The following PSD3 variants were observed in gnomAD, a reference collection of about 807,000 sequenced individuals.
The protein encoded by PSD3 is PH and SEC7 domain-containing protein 3.
Under a neutral mutation model 105.5 loss-of-function variants are expected in PSD3, and 49 were observed. That is an observed-to-expected ratio of 0.46 (90% confidence interval 0.37 to 0.59). The LOEUF is 0.59. PSD3 is among the 20% of genes least tolerant of loss of function. The pLI, the probability that PSD3 is intolerant of heterozygous loss-of-function variation, is 0.00. For synonymous variants in PSD3, 557 were observed against 457.8 expected (o/e 1.22, Z -2.77); for missense variants, 1,561 against 1,263.8 (o/e 1.24, Z -3.57).
chr8:18,813,472 C>G (rs1388420853), intron 4 of PSD3, among the ~76,000 whole-genome samples: 2 of 152,162 alleles, frequency 1.3e-5, no homozygotes, highest in African/African-American at 2.4e-5. Flanking sequence ...GAGGCTAGAG[C>G]ACTCAACATG....
At chr8:18,861,346 C>T (rs998325524) in intron 4 of PSD3, among the ~76,000 whole-genome samples, 1 of 152,144 alleles carries the variant, frequency 6.6e-6, no homozygotes, top group Non-Finnish European at 1.5e-5. Flanking sequence ...GTGTGAGCCC[C>T]TCCTCACAGT....
chr8:18,603,689 G>A (rs978677408), intron 11 of PSD3, among the ~76,000 whole-genome samples: 1 of 152,076 alleles, frequency 6.6e-6, no homozygotes, highest in Non-Finnish European at 1.5e-5. Flanking sequence ...GAGGTGATTG[G>A]GTCATGTGGG....
chr8:18,651,923 G>T (rs1808510337), intron 10 of PSD3, among the ~76,000 whole-genome samples: 1 of 152,170 alleles, frequency 6.6e-6, no homozygotes, highest in Non-Finnish European at 1.5e-5. Flanking sequence ...ACTTCACAGA[G>T]GTTAAAGTAC....
chr8:18,801,055 A>C (rs1586046461), intron 7 of PSD3: 1 of 375,388 alleles, frequency 2.7e-6, no homozygotes, highest in South Asian at 5.9e-5. Flanking sequence ...ACATGAGAAA[A>C]TGCTCACAAT....
chr8:18,806,079 A>G (rs1023525906), intron 4 of PSD3, among the ~76,000 whole-genome samples: 1 of 152,200 alleles, frequency 6.6e-6, no homozygotes. Flanking sequence ...CAAAATTAAA[A>G]AGACATGATC....
intron 4 of PSD3, among the ~76,000 whole-genome samples, chr8:18,834,613 T>C (rs138000976): frequency 1.5e-4 from 23 of 152,244 alleles, no homozygotes; most frequent in African/African-American, 5.5e-4. Context: ...CGGATACCCA[T>C]GCACTTAAAC....
At chr8:18,922,887 G>T (rs1012289213) in intron 2 of PSD3, among the ~76,000 whole-genome samples, 4 of 152,286 alleles carry the variant, frequency 2.6e-5, no homozygotes, top group South Asian at 4.1e-4. Flanking sequence ...AGAGTTCCAT[G>T]CCCTCTCTGG....
chr8:18,918,300 CA>C (rs1820757241), intron 2 of PSD3, among the ~76,000 whole-genome samples: 1 of 152,172 alleles, frequency 6.6e-6, no homozygotes, highest in Admixed American at 6.5e-5. Context: ...AAATTATCTT[CA>C]AAAACTCTGC....
chr8:18,963,334 A>C (rs1254628051), intron 1 of PSD3, among the ~76,000 whole-genome samples: 1 of 152,138 alleles, frequency 6.6e-6, no homozygotes, highest in South Asian at 2.1e-4. Flanking sequence ...AAAACCACAG[A>C]ATTTGACTTC....
intron 15 of PSD3, among the ~76,000 whole-genome samples, chr8:18,543,766 T>C (rs562115622): frequency 1.3e-4 from 20 of 152,338 alleles, no homozygotes; most frequent in African/African-American, 4.3e-4. Context: ...TGAATGTTAA[T>C]TGTGTTTTGA....
intron 1 of PSD3, among the ~76,000 whole-genome samples, chr8:18,999,739 T>C (rs1260505120): frequency 1.3e-5 from 2 of 151,694 alleles, no homozygotes; most frequent in South Asian, 2.1e-4. Context: ...GTATACTAAC[T>C]ACACCACCCA....
chr8:18,785,067 A>G (rs1055542086), intron 8 of PSD3, among the ~76,000 whole-genome samples: 6 of 152,012 alleles, frequency 3.9e-5, no homozygotes, highest in African/African-American at 1.5e-4. Flanking sequence ...TAGAATAAAC[A>G]ATGCTCCTAT....
intron 1 of PSD3, among the ~76,000 whole-genome samples, chr8:19,074,611 A>ATATATATATATATATATATATT (rs1324257417): frequency 4.1e-5 from 1 of 24,228 alleles, no homozygotes. Flanking sequence ...ATATATATAT[A>ATATATATATATATATATATATT]TTTTTTTTTT....
At chr8:19,073,041 A>G (rs6586797) in intron 1 of PSD3, among the ~76,000 whole-genome samples, 53,882 of 152,000 alleles carry the variant, frequency 0.35, 9,978 homozygotes, top group South Asian at 0.49. Flanking sequence ...AGATAATAAA[A>G]TGGTTAATTA....
chr8:18,973,957 C>T (rs1824790924), intron 1 of PSD3, among the ~76,000 whole-genome samples: 1 of 152,190 alleles, frequency 6.6e-6, no homozygotes, highest in African/African-American at 2.4e-5. Flanking sequence ...CACAGTGTCA[C>T]ATTGCTGTTA....
At chr8:18,977,731 T>G (rs1446566265) in intron 1 of PSD3, among the ~76,000 whole-genome samples, 1 of 152,176 alleles carries the variant, frequency 6.6e-6, no homozygotes, top group Non-Finnish European at 1.5e-5. Context: ...CATTAAAAAT[T>G]TAGACATGCA....
chr8:18,754,210 C>G (rs972850044), intron 9 of PSD3, among the ~76,000 whole-genome samples: 1 of 152,048 alleles, frequency 6.6e-6, no homozygotes, highest in African/African-American at 2.4e-5. Flanking sequence ...ATGGTGAAAC[C>G]CTGTCTCTAC....
intron 1 of PSD3, among the ~76,000 whole-genome samples, chr8:18,952,349 G>A (rs891660190): frequency 2.6e-5 from 4 of 151,468 alleles, no homozygotes; most frequent in Non-Finnish European, 5.9e-5. Flanking sequence ...GAGCTTGCCA[G>A]AGACCTAAAA....
At position 18,535,961 on chromosome 8, in the gene PSD3, G is replaced by A. The variant is rs779367136; in HGVS notation, c.2929-3C>T. 2.5e-5 allele frequency: 41 copies of A among 1,613,134 alleles called. No individual in the cohort carries two copies. The Middle Eastern group carries it at 9.9e-4, about 39-fold the overall frequency. Reference sequence around the variant, plus strand: ...ACATACATTTCATAGCGGGTTTTCTGAAGGCAAAGCCAGAGAACAACGGTA... The same window carrying A: ...ACATACATTTCATAGCGGGTTTTCTAAAGGCAAAGCCAGAGAACAACGGTA... On this transcript the variant is annotated splice_polypyrimidine_tract_variant and splice_region_variant and intron_variant, in intron 15 of 15. Transcript: ENST00000327040.
Sources: allele counts gnomAD v4.1 joint callset (sites outside exome capture counted in the v4.1 genomes callset), GRCh38; gene constraint gnomAD v4.1.1; transcripts MANE v1.5; gene names NCBI Gene and HGNC (gene_info 2026-07-23, HGNC 2026-07-21).